CCSER2: variants seen among roughly 807,000 people sequenced by gnomAD.
CCSER2 encodes serine-rich coiled-coil domain-containing protein 2.
Under a neutral mutation model 92.3 loss-of-function variants are expected in CCSER2, and 46 were observed. The ratio of observed to expected loss-of-function variants is 0.50; its 90% CI spans 0.39 to 0.64. The LOEUF is 0.64. Among genes scored for constraint, CCSER2 ranks in the 30% least tolerant of loss-of-function variants. The pLI, the probability that CCSER2 is intolerant of heterozygous loss-of-function variation, is 0.00. For synonymous variants in CCSER2, 433 were observed against 431.4 expected, an observed-to-expected ratio of 1.00 and a Z score of -0.04; for missense variants, 1,244 against 1,238.9, an observed-to-expected ratio of 1.00 and a Z score of -0.06.
At chr10:84,450,180 TAAAAA>T (rs1845188190) in intron 6 of CCSER2, among the ~76,000 whole-genome samples, 6 of 152,312 alleles carry the variant, frequency 3.9e-5, no homozygotes, top group African/African-American at 1.4e-4. Flanking sequence ...GTAATGGAGA[TAAAAA>T]TAAAGAGGAC....
intron 9 of CCSER2, among the ~76,000 whole-genome samples, chr10:84,505,702 A>G (rs1233379735): frequency 6.6e-6 from 1 of 152,138 alleles, no homozygotes; most frequent in East Asian, 1.9e-4. Flanking sequence ...TTCAAGGACT[A>G]TCTAGTATAG....
chr10:84,432,836 G>A (rs1364448116), intron 5 of CCSER2, among the ~76,000 whole-genome samples: 2 of 151,884 alleles, frequency 1.3e-5, no homozygotes, highest in Admixed American at 1.3e-4. Context: ...TCATATTATA[G>A]GAATTTTATA....
intron 3 of CCSER2, among the ~76,000 whole-genome samples, chr10:84,406,936 C>G (rs1842408747): frequency 6.6e-6 from 1 of 152,112 alleles, no homozygotes; most frequent in African/African-American, 2.4e-5. Context: ...TACTCTAATT[C>G]TAATGATATC....
chr10:84,496,991 G>A (rs910629434), intron 9 of CCSER2, among the ~76,000 whole-genome samples: 1 of 152,114 alleles, frequency 6.6e-6, no homozygotes, highest in Non-Finnish European at 1.5e-5. Flanking sequence ...ATTAAATGCT[G>A]ATCAGAGTAT....
chr10:84,499,928 C>A, intron 9 of CCSER2: 1 of 1,613,864 alleles, frequency 6.2e-7, no homozygotes, highest in African/African-American at 1.3e-5. Flanking sequence ...TCCAGGGGAT[C>A]CCACGGACTG....
At chr10:84,347,233 C>T (rs965954893) in intron 1 of CCSER2, among the ~76,000 whole-genome samples, 1 of 152,254 alleles carries the variant, frequency 6.6e-6, no homozygotes, top group African/African-American at 2.4e-5. Flanking sequence ...CCCACCTTTC[C>T]CCCTTTTCTA....
chr10:84,372,517 A>G (rs1846119960), intron 2 of CCSER2, 48 bp downstream of exon 2: 1 of 1,045,344 alleles, frequency 9.6e-7, no homozygotes, highest in Admixed American at 2.4e-5. Context: ...TAAATAATAT[A>G]ACTGAACTTA....
chr10:84,437,962 A>G (rs1844286819), intron 5 of CCSER2, among the ~76,000 whole-genome samples: 1 of 152,094 alleles, frequency 6.6e-6, no homozygotes, highest in African/African-American at 2.4e-5. Flanking sequence ...TATGCGGTAT[A>G]TATAAAACTT....
intron 1 of CCSER2, among the ~76,000 whole-genome samples, chr10:84,362,496 C>T (rs1050356519): frequency 1.3e-5 from 2 of 152,102 alleles, no homozygotes; most frequent in African/African-American, 2.4e-5. Flanking sequence ...ACTTCTGGTT[C>T]CTCTTGTTAG....
At chr10:84,411,742 T>C (rs1478742754) in intron 3 of CCSER2, among the ~76,000 whole-genome samples, 1 of 152,202 alleles carries the variant, frequency 6.6e-6, no homozygotes, top group Non-Finnish European at 1.5e-5. Context: ...TATAGAATTA[T>C]CTCATCTGCA....
At chr10:84,485,519 G>A (rs562112822) in intron 9 of CCSER2, among the ~76,000 whole-genome samples, 211 of 152,178 alleles carry the variant, frequency 1.4e-3, no homozygotes, top group African/African-American at 4.8e-3. Flanking sequence ...ATAACACCCT[G>A]GAGATCCATT....
chr10:84,462,881 A>T (rs1042893076), intron 6 of CCSER2, among the ~76,000 whole-genome samples: 1 of 152,202 alleles, frequency 6.6e-6, no homozygotes, highest in Admixed American at 6.5e-5. Context: ...TGGGAGAACC[A>T]GAAAAGATAT....
At position 84,371,234 on chromosome 10, in the gene CCSER2, CTCAT is replaced by C; in HGVS notation, c.188_191del (p.Ser63LeufsTer29). The C allele has an allele frequency of 6.2e-7, 1 of 1,613,204 alleles. No individual in the cohort carries two copies. The highest frequency in any genetic ancestry group is 8.5e-7 in the Non-Finnish European group (1 of 1,179,598). On this transcript the variant is annotated frameshift_variant, in exon 2 of 10. Coordinates refer to ENST00000372088, the MANE Select transcript of CCSER2 (RefSeq NM_001284240.2). LOFTEE classifies it high-confidence loss of function. Reference sequence around the variant, plus strand: ...AATAATGGCTCTGATTGTCCATCATCTCATTCATTTAATTGGAGGAAAGCAAATA... The same window carrying C: ...AATAATGGCTCTGATTGTCCATCATCTCATTTAATTGGAGGAAAGCAAATA...
intron 9 of CCSER2, among the ~76,000 whole-genome samples, chr10:84,484,718 C>G (rs1449932498): frequency 1.3e-5 from 2 of 152,072 alleles, no homozygotes. Flanking sequence ...TGGAATACAG[C>G]CTGTGTTTTG....
chr10:84,377,642 A>G (rs1267134719), intron 3 of CCSER2, among the ~76,000 whole-genome samples: 1 of 152,196 alleles, frequency 6.6e-6, no homozygotes, highest in Non-Finnish European at 1.5e-5. Flanking sequence ...ATTAAATATT[A>G]GAATGAGCTT....
chr10:84,501,348 C>T (rs1848707515), intron 9 of CCSER2, among the ~76,000 whole-genome samples: 1 of 152,094 alleles, frequency 6.6e-6, no homozygotes, highest in African/African-American at 2.4e-5. Flanking sequence ...TGAGATTTCC[C>T]CTCAGATTAG....
intron 3 of CCSER2, among the ~76,000 whole-genome samples, chr10:84,406,109 T>C (rs1842363206): frequency 6.6e-6 from 1 of 152,212 alleles, no homozygotes; most frequent in African/African-American, 2.4e-5. Flanking sequence ...TACTCAGCAG[T>C]AAAAAGAAAC....
At chr10:84,455,172 G>A (rs561326907) in intron 6 of CCSER2, 1 of 155,948 alleles carries the variant, frequency 6.4e-6, no homozygotes, top group East Asian at 1.9e-4. Flanking sequence ...CCAGTCTCAG[G>A]TGTCTTTATT....
At chr10:84,330,441 C>T (rs1277010902) in intron 1 of CCSER2, among the ~76,000 whole-genome samples, 1 of 152,192 alleles carries the variant, frequency 6.6e-6, no homozygotes, top group African/African-American at 2.4e-5. Context: ...CTGATTCGTA[C>T]ACTCTCCAGT....
Sources: gnomAD v4.1 joint callset for allele counts (sites outside exome capture counted in the v4.1 genomes callset) on GRCh38, gnomAD v4.1.1 for gene constraint, MANE v1.5 for transcripts, NCBI Gene and HGNC (gene_info 2026-07-23, HGNC 2026-07-21) for gene names.